The following NSUN6 variants were observed in gnomAD, a reference collection of about 807,000 sequenced individuals.
NSUN6 encodes the protein tRNA (cytosine(72)-C(5))-methyltransferase NSUN6.
In NSUN6, 64 loss-of-function variants were observed where a neutral mutation model predicts 58.0. The ratio of observed to expected loss-of-function variants is 1.10; its 90% CI spans 0.90 to 1.36. NSUN6 has a LOEUF of 1.36. Among genes scored for constraint, NSUN6 ranks in the 40% most tolerant of loss-of-function variants. The pLI, the probability that NSUN6 is intolerant of heterozygous loss-of-function variation, is 0.00. For synonymous variants in NSUN6, 231 were observed against 193.9 expected (o/e 1.19, Z -1.59); for missense variants, 701 against 550.1 (o/e 1.27, Z -2.74).
chr10:18,617,929 C>G (rs189825237), intron 3 of NSUN6, among the ~76,000 whole-genome samples: 1 of 152,290 alleles, frequency 6.6e-6, no homozygotes, highest in East Asian at 1.9e-4. Context: ...GATGCAAATG[C>G]CTCGATCTTG....
chr10:18,591,053 AT>A (rs2057359672), intron 7 of NSUN6, among the ~76,000 whole-genome samples: 1 of 152,218 alleles, frequency 6.6e-6, no homozygotes, highest in Non-Finnish European at 1.5e-5. Flanking sequence ...GATAAAGGGG[AT>A]GTCACCACTG....
chr10:18,588,132 A>T (rs2057239658), intron 7 of NSUN6, among the ~76,000 whole-genome samples: 1 of 152,204 alleles, frequency 6.6e-6, no homozygotes, highest in African/African-American at 2.4e-5. Flanking sequence ...GTACCTTGAC[A>T]GTGCTAAGGA....
At chr10:18,626,109 A>G (rs2058792679) in intron 3 of NSUN6, among the ~76,000 whole-genome samples, 1 of 152,166 alleles carries the variant, frequency 6.6e-6, no homozygotes. Flanking sequence ...GACTGTACTC[A>G]CCAATAAAGA....
intron 8 of NSUN6, among the ~76,000 whole-genome samples, chr10:18,566,099 C>G (rs1378311143): frequency 6.6e-6 from 1 of 151,564 alleles, no homozygotes; most frequent in African/African-American, 2.4e-5. Context: ...CTATTCCATT[C>G]CACAATCCAT....
chr10:18,581,125 C>A (rs1453897621), intron 8 of NSUN6, among the ~76,000 whole-genome samples: 1 of 152,036 alleles, frequency 6.6e-6, no homozygotes, highest in Non-Finnish European at 1.5e-5. Flanking sequence ...TGGACAGTGG[C>A]CTGCTCGCAC....
chr10:18,573,926 T>A (rs551651626), intron 8 of NSUN6, among the ~76,000 whole-genome samples: 13 of 152,188 alleles, frequency 8.5e-5, no homozygotes, highest in African/African-American at 2.9e-4. Context: ...CAGTAAACTG[T>A]TATATCGAAA....
chr10:18,569,697 TC>T, intron 8 of NSUN6, among the ~76,000 whole-genome samples: 1 of 151,348 alleles, frequency 6.6e-6, no homozygotes, highest in East Asian at 2.0e-4. Context: ...CTTTCTCCAT[TC>T]CACTCTCCAT....
chr10:18,633,655 T>C (rs944446342), intron 3 of NSUN6, among the ~76,000 whole-genome samples: 28 of 152,044 alleles, frequency 1.8e-4, no homozygotes, highest in African/African-American at 5.3e-4. Context: ...AATCAGAATC[T>C]AGGAATATCT....
intron 3 of NSUN6, among the ~76,000 whole-genome samples, chr10:18,618,255 A>G (rs539430980): frequency 8.1e-4 from 123 of 152,268 alleles, no homozygotes; most frequent in Admixed American, 1.8e-3. Flanking sequence ...GTAGACATGA[A>G]TCTACTTTTA....
chr10:18,625,575 T>C (rs1197984220), intron 3 of NSUN6, among the ~76,000 whole-genome samples: 1 of 151,788 alleles, frequency 6.6e-6, no homozygotes, highest in Non-Finnish European at 1.5e-5. Flanking sequence ...CAGCCGGGTA[T>C]GGTGGTGGGC....
chr10:18,603,976 G>A (rs2057950575), intron 6 of NSUN6, among the ~76,000 whole-genome samples: 1 of 152,116 alleles, frequency 6.6e-6, no homozygotes, highest in African/African-American at 2.4e-5. Context: ...GAAGTCAAGA[G>A]ATCGAGACCA....
At chr10:18,643,681 CCTTTCT>C (rs1486658547) in intron 2 of NSUN6, among the ~76,000 whole-genome samples, 3 of 151,374 alleles carry the variant, frequency 2.0e-5, no homozygotes, top group Non-Finnish European at 4.4e-5. Flanking sequence ...AATCCTTCTT[CCTTTCT>C]CTTTCCCTCC....
rs368833911 is a variant in NSUN6 at position 18,567,227 on chromosome 10, CTCCAT to C, written c.923-15261_923-15257del. On this transcript the variant is annotated intron_variant, in intron 8 of 10. Coordinates refer to ENST00000377304, the MANE Select transcript of NSUN6 (RefSeq NM_182543.5). Reference sequence around the variant, plus strand: ...TCACTGTATTCCATTCCCTTCTATTCTCCATTCCATTCCATATTCTATTCCTTTCT... The same window carrying C: ...TCACTGTATTCCATTCCCTTCTATTCTCCATTCCATATTCTATTCCTTTCT... 2.0e-4 allele frequency among the ~76,000 whole-genome samples: 30 copies of C among 150,802 alleles called. No individual in the cohort carries two copies. In the East Asian group the frequency reaches 5.5e-3, roughly 28 times the overall value.
At chr10:18,647,974 T>C (rs573869278) in intron 2 of NSUN6, among the ~76,000 whole-genome samples, 6 of 152,288 alleles carry the variant, frequency 3.9e-5, no homozygotes, top group South Asian at 2.1e-4. Flanking sequence ...CCTGGCCTCA[T>C]GTGATCCACC....
chr10:18,643,129 T>C (rs978212543), intron 2 of NSUN6, among the ~76,000 whole-genome samples: 2 of 151,828 alleles, frequency 1.3e-5, no homozygotes, highest in Non-Finnish European at 2.9e-5. Flanking sequence ...TCCAATTCCA[T>C]GGTCACACAT....
intron 3 of NSUN6, among the ~76,000 whole-genome samples, chr10:18,630,098 C>A (rs910713049): frequency 2.1e-5 from 3 of 140,318 alleles, no homozygotes; most frequent in Admixed American, 7.3e-5. Flanking sequence ...GGATTAAGAA[C>A]CTCACTCAAA....
At chr10:18,648,124 G>A (rs1199031990) in intron 2 of NSUN6, among the ~76,000 whole-genome samples, 1 of 152,104 alleles carries the variant, frequency 6.6e-6, no homozygotes, top group Non-Finnish European at 1.5e-5. Flanking sequence ...TATTATCTCA[G>A]CTATACCATC....
intron 8 of NSUN6, among the ~76,000 whole-genome samples, chr10:18,585,260 G>A (rs932114703): frequency 1.3e-5 from 2 of 152,088 alleles, no homozygotes; most frequent in African/African-American, 4.8e-5. Flanking sequence ...TGGTATGGAG[G>A]TTCTTCAAAA....
chr10:18,653,731 C>A (rs1461749806), upstream of NSUN6, among the ~76,000 whole-genome samples: 5 of 152,186 alleles, frequency 3.3e-5, no homozygotes, highest in Admixed American at 3.3e-4. Flanking sequence ...ACGAAGATAT[C>A]TCTTGGGATT....
Sources: allele counts gnomAD v4.1 joint callset (sites outside exome capture counted in the v4.1 genomes callset), GRCh38; gene constraint gnomAD v4.1.1; transcripts MANE v1.5; gene names NCBI Gene and HGNC (gene_info 2026-07-23, HGNC 2026-07-21).